The following PCDHGB3 variants were observed in gnomAD, a reference collection of about 807,000 sequenced individuals.
The protein encoded by PCDHGB3 is protocadherin gamma subfamily B, 3, also known as protocadherin gamma-B3.
Under a neutral mutation model 59.2 loss-of-function variants are expected in PCDHGB3, and 40 were observed. That is an observed-to-expected ratio of 0.68 (90% confidence interval 0.52 to 0.88). The LOEUF is 0.88. Among genes scored for constraint, PCDHGB3 ranks in the 40% least tolerant of loss-of-function variants. The probability of loss-of-function intolerance (pLI) is 0.00; values close to 1 mark genes in which losing one functional copy is unlikely to be tolerated. For missense variants in PCDHGB3, 1,309 were observed against 1,187.9 expected, an observed-to-expected ratio of 1.10 and a Z score of -1.50; for synonymous variants, 581 against 503.6, an observed-to-expected ratio of 1.15 and a Z score of -2.06.
chr5:141,433,194 A>G (rs1170543558), intron 1 of PCDHGB3: 18 of 1,585,754 alleles, frequency 1.1e-5, no homozygotes, highest in Non-Finnish European at 1.5e-5. Context: ...GTGAGTTTAT[A>G]TCAAATCTTC....
chr5:141,445,973 G>A (rs563637331), intron 1 of PCDHGB3, among the ~76,000 whole-genome samples: 28 of 152,326 alleles, frequency 1.8e-4, no homozygotes, highest in African/African-American at 6.0e-4. Flanking sequence ...ATTGATTTAT[G>A]AGGGTTATAA....
intron 1 of PCDHGB3, among the ~76,000 whole-genome samples, chr5:141,439,635 C>T (rs1326926948): frequency 3.3e-5 from 5 of 152,274 alleles, no homozygotes; most frequent in Middle Eastern, 3.4e-3. Context: ...CCAGACATTC[C>T]GGCTTGGTGG....
intron 1 of PCDHGB3, among the ~76,000 whole-genome samples, chr5:141,454,829 A>T (rs2098803417): frequency 1.4e-5 from 1 of 70,192 alleles, no homozygotes. Context: ...TTTTTTTGAG[A>T]CAGAGTCGCG....
At chr5:141,472,003 A>T (rs1450802255) in intron 1 of PCDHGB3, among the ~76,000 whole-genome samples, 1 of 152,176 alleles carries the variant, frequency 6.6e-6, no homozygotes, top group Non-Finnish European at 1.5e-5. Context: ...CCTGCATCGT[A>T]TAGGGGCACT....
intron 1 of PCDHGB3, among the ~76,000 whole-genome samples, chr5:141,425,869 C>T (rs1376765137): frequency 2.0e-5 from 3 of 152,198 alleles, no homozygotes. Context: ...TATAGATTCC[C>T]ATCTCTAAGG....
chr5:141,385,086 A>G, intron 1 of PCDHGB3: 1 of 1,614,206 alleles, frequency 6.2e-7, no homozygotes, highest in African/African-American at 1.3e-5. Context: ...AGGCTTCAGA[A>G]GGTGGCTTGG....
Position 141,485,715 on chromosome 5 carries a change from A to G in PCDHGB3, c.2416-9092A>G. The G allele has an allele frequency of 6.2e-7, 1 of 1,614,114 alleles. No homozygotes were observed. Among genetic ancestry groups the G allele is most frequent in the Non-Finnish European group, 8.5e-7 (1 of 1,180,012 alleles). On this transcript the variant is annotated intron_variant, in intron 1 of 3. Transcript: ENST00000576222. The surrounding 1 kb of genome is among the most constrained non-coding windows in gnomAD (Gnocchi z 5.7). ...AGCTCCAATGAACACTTTGCACTGGATGTGAAGAAGCGCAGCGACGGCAGC... is the reference window on the plus strand; with the variant it reads ...AGCTCCAATGAACACTTTGCACTGGGTGTGAAGAAGCGCAGCGACGGCAGC...
At chr5:141,404,950 C>T (rs2094588760) in intron 1 of PCDHGB3, 2 of 1,613,968 alleles carry the variant, frequency 1.2e-6, no homozygotes, top group East Asian at 4.5e-5. Flanking sequence ...CCATAGCTGA[C>T]AGCATCCCAG....
rs150106838 is a variant in PCDHGB3, at chr5:141,503,886, T to C, written c.2475-1507T>C. On this transcript the variant is annotated intron_variant, in intron 2 of 3. Coordinates refer to ENST00000576222, the MANE Select transcript of PCDHGB3 (RefSeq NM_018924.5). Reference sequence around the variant, plus strand: ...AGTTCTTGGTTGTGCTCACCCACCATGACAAAATATGCACACACACAACGC... The same window carrying C: ...AGTTCTTGGTTGTGCTCACCCACCACGACAAAATATGCACACACACAACGC... Among the ~76,000 whole-genome samples, 20 of 152,290 alleles carry C rather than the reference T, an allele frequency of 1.3e-4. No individual in the cohort carries two copies. The South Asian group carries it at 3.9e-3, about 30-fold the overall frequency.
rs755130135 is a variant in PCDHGB3 at position 141,431,477 on chromosome 5, C to A, written c.2415+58668C>A. On this transcript the variant is annotated intron_variant, in intron 1 of 3. Coordinates refer to ENST00000576222, the MANE Select transcript of PCDHGB3 (RefSeq NM_018924.5). The surrounding 1 kb of genome is among the most constrained non-coding windows in gnomAD (Gnocchi z 4.8). ...GGTTCTGGATGCGAACGACAACGCA[C>A]CAGCGTTTGCTCAGCCCGAGTACCG... is the stretch of plus-strand genomic sequence containing the variant. 40 of 1,613,768 alleles carry A rather than the reference C, an allele frequency of 2.5e-5. No individual in the cohort carries two copies. The highest frequency in any genetic ancestry group is 3.3e-5 in the Admixed American group (2 of 60,008).
rs559975786 is a variant in PCDHGB3, at chr5:141,406,591, A to G, written c.2415+33782A>G. Among the ~76,000 whole-genome samples, 5 of 152,282 alleles carry G rather than the reference A, an allele frequency of 3.3e-5. No homozygotes were observed. The East Asian group carries it at 9.6e-4, about 29-fold the overall frequency. On this transcript the variant is annotated intron_variant, in intron 1 of 3. Transcript: ENST00000576222. ...CTAGTAAACCAATTTTTTCCCTTTAATGGTGAAAGTTGTCACATCTTTTAT... is the reference window on the plus strand; with the variant it reads ...CTAGTAAACCAATTTTTTCCCTTTAGTGGTGAAAGTTGTCACATCTTTTAT...
rs201850389 is a variant in PCDHGB3, at chr5:141,371,846, T to A, written c.1452T>A (p.Asn484Lys). 284 of 1,613,662 alleles carry A rather than the reference T, an allele frequency of 1.8e-4. 1 individual carries two copies. Among genetic ancestry groups the A allele is most frequent in the Admixed American group, 2.0e-4 (12 of 60,036 alleles). The change falls in exon 1 of 4, where the codon AAT becomes AAA. Residue 484 changes from asparagine (N) to lysine (K), a missense_variant. Coordinates refer to ENST00000576222, the MANE Select transcript of PCDHGB3 (RefSeq NM_018924.5). Reference sequence around the variant, plus strand: ...CCTCGGATCCCGACTTGGGACCTAATGGCCTTGTCTCCTACTACATCGTGG... The same window carrying A: ...CCTCGGATCCCGACTTGGGACCTAAAGGCCTTGTCTCCTACTACATCGTGG... ...VRASDPDLGP[N>K]GLVSYYIVAS...
At chr5:141,501,718 A>G (rs914077060) in intron 2 of PCDHGB3, among the ~76,000 whole-genome samples, 1 of 152,152 alleles carries the variant, frequency 6.6e-6, no homozygotes, top group Non-Finnish European at 1.5e-5. Flanking sequence ...AAAAAGACAA[A>G]TATATTACCC....
In PCDHGB3 at chr5:141,503,243, C is replaced by T. The variant is rs146741382; in HGVS notation, c.2475-2150C>T. Among the ~76,000 whole-genome samples the T allele has an allele frequency of 3.1e-4, 47 of 152,198 alleles. No individual in the cohort carries two copies. The East Asian group carries it at 8.9e-3, about 29-fold the overall frequency. ...CACCGTAAAGATGGACAGTTTCTAT[C>T]ATACTCACAGCCACAACCCCAGCAC... On this transcript the variant is annotated intron_variant, in intron 2 of 3. Coordinates refer to ENST00000576222, the MANE Select transcript of PCDHGB3 (RefSeq NM_018924.5).
In PCDHGB3 at chr5:141,487,954, T is replaced by C. The variant is rs2099669751; in HGVS notation, c.2416-6853T>C. On this transcript the variant is annotated intron_variant, in intron 1 of 3. Transcript: ENST00000576222. The surrounding 1 kb of genome is among the most constrained non-coding windows in gnomAD (Gnocchi z 5.0). ...GGGTACAGTGCACCAGGCAGTCACTTGGACAAAGGTGGCTGTTTTCTCTAC... is the reference window on the plus strand; with the variant it reads ...GGGTACAGTGCACCAGGCAGTCACTCGGACAAAGGTGGCTGTTTTCTCTAC... Among the ~76,000 whole-genome samples the C allele has an allele frequency of 6.6e-6, 1 of 152,182 alleles. No homozygotes were observed. The highest frequency in any genetic ancestry group is 1.5e-5 in the Non-Finnish European group (1 of 68,020).
intron 1 of PCDHGB3, among the ~76,000 whole-genome samples, chr5:141,396,957 T>C (rs1169025850): frequency 6.6e-6 from 1 of 152,214 alleles, no homozygotes; most frequent in East Asian, 1.9e-4. Flanking sequence ...AGAAAATCCT[T>C]ACTCTCCCTA....
At chr5:141,418,068 C>T (rs1292846589) in intron 1 of PCDHGB3, 4 of 1,614,002 alleles carry the variant, frequency 2.5e-6, no homozygotes, top group Non-Finnish European at 3.4e-6. Flanking sequence ...CGAGTGAGCG[C>T]GGAGAAGCTG....
In PCDHGB3 at chr5:141,487,493, C is replaced by T; in HGVS notation, c.2416-7314C>T. 6.2e-7 allele frequency: 1 copy of T among 1,614,168 alleles called. No individual in the cohort carries two copies. The highest frequency in any genetic ancestry group is 1.1e-5 in the South Asian group (1 of 91,088). On this transcript the variant is annotated intron_variant, in intron 1 of 3. Coordinates refer to ENST00000576222, the MANE Select transcript of PCDHGB3 (RefSeq NM_018924.5). The surrounding 1 kb of genome is among the most constrained non-coding windows in gnomAD (Gnocchi z 5.0). ...GGGAGGCCACTCTCATGGCTGTACA[C>T]CCTTGGCTTCTGCACCCACTCGGAG...
intron 1 of PCDHGB3, chr5:141,411,407 A>G (rs2154543610): frequency 6.6e-6 from 1 of 151,868 alleles, no homozygotes; most frequent in East Asian, 1.9e-4. Context: ...CCCCATCTCT[A>G]CTAAAACAAC....
Sources: gnomAD v4.1 joint callset for allele counts (sites outside exome capture counted in the v4.1 genomes callset) on GRCh38, gnomAD v4.1.1 for gene constraint, Gnocchi (gnomAD v3.1) non-coding constraint, MANE v1.5 for transcripts, NCBI Gene and HGNC (gene_info 2026-07-23, HGNC 2026-07-21) for gene names.